The following ARHGAP10 variants were observed in gnomAD, a reference collection of about 807,000 sequenced individuals.
ARHGAP10 encodes rho GTPase-activating protein 10.
In ARHGAP10, 87 loss-of-function variants were observed where a neutral mutation model predicts 108.6. The observed-to-expected ratio is 0.80, with a 90% CI of 0.67 to 0.96. The LOEUF (loss-of-function observed/expected upper bound fraction) is 0.96, where lower values mean the gene tolerates loss of function less well. Ranked by LOEUF, ARHGAP10 falls within the 40% of genes least tolerant of loss-of-function variation. The pLI is 0.00. For synonymous variants in ARHGAP10, 347 were observed against 341.1 expected (o/e 1.02, Z -0.19); for missense variants, 939 against 954.5 (o/e 0.98, Z 0.21).
intron 18 of ARHGAP10, among the ~76,000 whole-genome samples, chr4:148,015,493 CTG>C (rs1741312824): frequency 6.6e-6 from 1 of 152,166 alleles, no homozygotes; most frequent in Non-Finnish European, 1.5e-5. Flanking sequence ...AAACGTGAAA[CTG>C]TAGAATATTT....
rs189364511 is a variant in ARHGAP10 at position 147,776,850 on chromosome 4, G to A, written c.154+44395G>A. Among the ~76,000 whole-genome samples, 15 of 152,306 alleles carry A rather than the reference G, an allele frequency of 9.8e-5. 1 individual carries two copies. The highest frequency in any genetic ancestry group is 3.9e-4 in the Admixed American group (6 of 15,296). The stretch of plus-strand genomic sequence containing the variant: ...AGGCTGAGACAGCAAAATGCAGTTC[G>A]TCCAGATGCTGTGAAGAGTTTCGAG... On this transcript the variant is annotated intron_variant, in intron 1 of 22. Transcript: ENST00000336498.
At chr4:147,838,118 G>C (rs150794603) in intron 3 of ARHGAP10, among the ~76,000 whole-genome samples, 1 of 151,980 alleles carries the variant, frequency 6.6e-6, no homozygotes, top group Non-Finnish European at 1.5e-5. Context: ...CCAGCTCTTG[G>C]CACCTTTGAG....
At chr4:147,839,274 G>C (rs561536724) in intron 3 of ARHGAP10, among the ~76,000 whole-genome samples, 2 of 152,288 alleles carry the variant, frequency 1.3e-5, no homozygotes, top group Non-Finnish European at 2.9e-5. Flanking sequence ...TTGGAAAACA[G>C]AATTTTCCCT....
chr4:147,957,898 G>A (rs1452782319), intron 16 of ARHGAP10, among the ~76,000 whole-genome samples: 2 of 152,106 alleles, frequency 1.3e-5, no homozygotes, highest in Non-Finnish European at 2.9e-5. Context: ...TACTTTTAAA[G>A]GTTGACTGCA....
chr4:147,823,329 A>G (rs1244057069), intron 3 of ARHGAP10, among the ~76,000 whole-genome samples: 2 of 152,204 alleles, frequency 1.3e-5, no homozygotes, highest in African/African-American at 4.8e-5. Context: ...GAAACAGAGG[A>G]CAGCTGGGCA....
intron 18 of ARHGAP10, among the ~76,000 whole-genome samples, chr4:147,996,400 C>T (rs1489667314): frequency 2.0e-5 from 3 of 152,198 alleles, no homozygotes; most frequent in Non-Finnish European, 4.4e-5. Flanking sequence ...TCATAACTTC[C>T]AATGTGATTG....
chr4:148,054,969 G>T (rs554863343), intron 20 of ARHGAP10, among the ~76,000 whole-genome samples: 4 of 152,282 alleles, frequency 2.6e-5, no homozygotes. Flanking sequence ...GTGACTGCAG[G>T]ACAGTAACCT....
intron 3 of ARHGAP10, among the ~76,000 whole-genome samples, chr4:147,832,290 C>A (rs112396444): frequency 6.6e-6 from 1 of 151,876 alleles, no homozygotes; most frequent in Non-Finnish European, 1.5e-5. Context: ...ATGGTATAGC[C>A]TTGAAAACAA....
intron 15 of ARHGAP10, among the ~76,000 whole-genome samples, chr4:147,954,776 A>G (rs1406291517): frequency 6.6e-6 from 1 of 152,022 alleles, no homozygotes; most frequent in Non-Finnish European, 1.5e-5. Context: ...TAGACTCTGA[A>G]AATGCTGTGT....
intron 1 of ARHGAP10, among the ~76,000 whole-genome samples, chr4:147,793,660 T>G (rs1189687040): frequency 1.3e-5 from 2 of 152,222 alleles, no homozygotes; most frequent in Non-Finnish European, 2.9e-5. Flanking sequence ...TGAGGCTTCA[T>G]GTGTATACTG....
intron 18 of ARHGAP10, among the ~76,000 whole-genome samples, chr4:147,997,091 C>G (rs752279680): frequency 2.0e-5 from 3 of 152,226 alleles, no homozygotes; most frequent in Non-Finnish European, 4.4e-5. Flanking sequence ...AAGAATAACA[C>G]AGATATCCAA....
chr4:148,043,003 C>T (rs975233311), intron 19 of ARHGAP10, among the ~76,000 whole-genome samples: 9 of 152,164 alleles, frequency 5.9e-5, no homozygotes, highest in Non-Finnish European at 1.2e-4. Flanking sequence ...TTGCCTGGCA[C>T]TGCTTTGTGT....
intron 15 of ARHGAP10, among the ~76,000 whole-genome samples, chr4:147,947,858 A>G (rs1453305621): frequency 6.6e-6 from 1 of 152,166 alleles, no homozygotes; most frequent in Non-Finnish European, 1.5e-5. Flanking sequence ...GTTTAGTGTA[A>G]TGAACCCTCA....
At chr4:147,898,985 A>G (rs979360323) in intron 10 of ARHGAP10, among the ~76,000 whole-genome samples, 3 of 152,182 alleles carry the variant, frequency 2.0e-5, no homozygotes, top group Admixed American at 1.3e-4. Context: ...TGTGGGGATT[A>G]CAATTCGAGA....
chr4:147,879,394 G>T, intron 9 of ARHGAP10, 56 bp downstream of exon 9: 1 of 1,461,224 alleles, frequency 6.8e-7, no homozygotes, highest in South Asian at 1.2e-5. Context: ...TAGTGTTTGA[G>T]GGTGTCATTT....
At chr4:147,881,423 A>C (rs1735323432) in intron 9 of ARHGAP10, among the ~76,000 whole-genome samples, 1 of 152,122 alleles carries the variant, frequency 6.6e-6, no homozygotes, top group Non-Finnish European at 1.5e-5. Context: ...GGATCATCTG[A>C]GGTCAGGAGA....
At chr4:148,058,218 TG>T (rs1729447707) in intron 20 of ARHGAP10, among the ~76,000 whole-genome samples, 1 of 152,242 alleles carries the variant, frequency 6.6e-6, no homozygotes, top group Non-Finnish European at 1.5e-5. Flanking sequence ...CAGACTGGCA[TG>T]AAAGATCATT....
intron 3 of ARHGAP10, among the ~76,000 whole-genome samples, chr4:147,842,236 G>GT (rs1159405548): frequency 1.3e-5 from 2 of 152,092 alleles, no homozygotes; most frequent in South Asian, 2.1e-4. Context: ...ATGCCTGGCC[G>GT]TGAAACCCTT....
At chr4:147,940,984 G>A (rs968628687) in intron 14 of ARHGAP10, among the ~76,000 whole-genome samples, 1 of 152,146 alleles carries the variant, frequency 6.6e-6, no homozygotes, top group Non-Finnish European at 1.5e-5. Context: ...TGCAATTTTG[G>A]CAGTCAGATT....
Sources: gnomAD v4.1 joint callset for allele counts (sites outside exome capture counted in the v4.1 genomes callset) on GRCh38, gnomAD v4.1.1 for gene constraint, MANE v1.5 for transcripts, NCBI Gene and HGNC (gene_info 2026-07-23, HGNC 2026-07-21) for gene names.